KSR1: variants seen among roughly 807,000 people sequenced by gnomAD.
KSR1 encodes kinase suppressor of ras 1.
A neutral mutation model predicts 92.9 loss-of-function variants in KSR1; 35 were observed. That is an observed-to-expected ratio of 0.38 (90% confidence interval 0.29 to 0.50). The LOEUF (loss-of-function observed/expected upper bound fraction) is 0.50, where lower values mean the gene tolerates loss of function less well. Among genes scored for constraint, KSR1 ranks in the 20% least tolerant of loss-of-function variants. KSR1 has a pLI of 0.94. For synonymous variants in KSR1, 467 were observed against 472.6 expected (o/e 0.99, Z 0.15); for missense variants, 972 against 1,158.5 (o/e 0.84, Z 2.34).
intron 1 of KSR1, among the ~76,000 whole-genome samples, chr17:27,548,889 G>A (rs2071287834): frequency 6.6e-6 from 1 of 151,524 alleles, no homozygotes; most frequent in Admixed American, 6.6e-5. Flanking sequence ...AAATGCTTGA[G>A]GTCCAAAGTG....
intron 12 of KSR1, among the ~76,000 whole-genome samples, chr17:27,604,463 C>A (rs1412574599): frequency 6.6e-6 from 1 of 152,188 alleles, no homozygotes; most frequent in Non-Finnish European, 1.5e-5. Context: ...CAGCCCCCAC[C>A]ACCCTCAAGT....
intron 11 of KSR1, among the ~76,000 whole-genome samples, chr17:27,601,656 G>A (rs750363014): frequency 2.6e-5 from 4 of 152,236 alleles, no homozygotes; most frequent in Non-Finnish European, 4.4e-5. Context: ...CACAGAGACT[G>A]CAGGCAACCT....
At chr17:27,505,170 A>G (rs2069332565) in intron 1 of KSR1, among the ~76,000 whole-genome samples, 1 of 152,178 alleles carries the variant, frequency 6.6e-6, no homozygotes, top group South Asian at 2.1e-4. Context: ...ACACTTCAGG[A>G]GGATAGTCCG....
At chr17:27,594,299 C>T (rs944634899) in intron 9 of KSR1, among the ~76,000 whole-genome samples, 1 of 152,122 alleles carries the variant, frequency 6.6e-6, no homozygotes, top group African/African-American at 2.4e-5. Context: ...CCCAGCCCGT[C>T]ACAGATAGGA....
At chr17:27,588,381 C>A in intron 5 of KSR1, 94 bp from the exon 6 acceptor site, 1 of 1,091,300 alleles carries the variant, frequency 9.2e-7, no homozygotes, top group Non-Finnish European at 1.3e-6. Context: ...ATTGCGCCCC[C>A]CTCTAGCCTG....
At chr17:27,460,692 G>A (rs1290593737) in intron 1 of KSR1, among the ~76,000 whole-genome samples, 1 of 152,172 alleles carries the variant, frequency 6.6e-6, no homozygotes, top group Non-Finnish European at 1.5e-5. Flanking sequence ...CAGCTCTGCC[G>A]TGGCAGAGGT....
intron 2 of KSR1, among the ~76,000 whole-genome samples, chr17:27,567,060 A>C (rs1258071250): frequency 1.3e-5 from 2 of 152,136 alleles, no homozygotes; most frequent in African/African-American, 4.8e-5. Context: ...TGTGTAACTT[A>C]ATCTCTATGA....
chr17:27,609,137 C>G, intron 15 of KSR1, 59 bp from the exon 16 acceptor site: 1 of 1,561,688 alleles, frequency 6.4e-7, no homozygotes, highest in Non-Finnish European at 8.7e-7. Flanking sequence ...AATCATCCAG[C>G]CCAGGGTGGC....
chr17:27,480,817 C>T (rs2068488584), intron 1 of KSR1, among the ~76,000 whole-genome samples: 1 of 152,194 alleles, frequency 6.6e-6, no homozygotes, highest in African/African-American at 2.4e-5. Flanking sequence ...ACTCAGAGCC[C>T]AGTAGGACCC....
chr17:27,585,769 C>T (rs558503856), intron 5 of KSR1, 108 bp downstream of exon 5: 11 of 717,654 alleles, frequency 1.5e-5, no homozygotes, highest in Admixed American at 1.0e-4. Flanking sequence ...CGTTCAGCCT[C>T]TCCATAGTCC....
intron 1 of KSR1, among the ~76,000 whole-genome samples, chr17:27,533,559 T>C (rs1056769071): frequency 3.3e-5 from 5 of 152,086 alleles, no homozygotes; most frequent in African/African-American, 9.7e-5. Flanking sequence ...AATTGTTGTA[T>C]TTTTAGTAGA....
At position 27,597,297 on chromosome 17, in the gene KSR1, C is replaced by G; in HGVS notation, c.1329C>G (p.Asp443Glu). Residue 443 changes from aspartate to glutamate, a missense_variant, in exon 10 of 21, where the codon GAC becomes GAG. Asp to Glu is a conservative substitution (Grantham distance 45, BLOSUM62 2). Around this residue, in one of 5 missense-constraint regions of KSR1, gnomAD observed 611 missense variants for 668.0 expected, o/e 0.91. Coordinates refer to ENST00000644974, the MANE Select transcript of KSR1 (RefSeq NM_001394583.1). ...KEHPPAMNHL[D>E]SSSNPSSTTS... ...ACCCTCCGGCCATGAATCACCTGGA[C>G]TCCAGCAGCAACCCTTCCTCCACCA... 6.2e-7 allele frequency: 1 copy of G among 1,602,746 alleles called. No individual in the cohort carries two copies. The highest frequency in any genetic ancestry group is 8.5e-7 in the Non-Finnish European group (1 of 1,174,816).
At chr17:27,584,798 A>C (rs563972433) in intron 4 of KSR1, among the ~76,000 whole-genome samples, 2 of 152,036 alleles carry the variant, frequency 1.3e-5, no homozygotes, top group African/African-American at 4.8e-5. Context: ...CTCCAGCTCC[A>C]TGTGTTCTCA....
chr17:27,528,919 C>T (rs556382985), intron 1 of KSR1, among the ~76,000 whole-genome samples: 1 of 151,822 alleles, frequency 6.6e-6, no homozygotes, highest in African/African-American at 2.4e-5. Context: ...GAAAAAAAAA[C>T]CACAAAAATC....
intron 1 of KSR1, among the ~76,000 whole-genome samples, chr17:27,493,642 C>G (rs893000146): frequency 6.6e-6 from 1 of 152,144 alleles, no homozygotes; most frequent in African/African-American, 2.4e-5. Context: ...ACCCTTCCAA[C>G]TCAGATTTAA....
At chr17:27,487,138 A>G (rs1327409607) in intron 1 of KSR1, among the ~76,000 whole-genome samples, 1 of 152,174 alleles carries the variant, frequency 6.6e-6, no homozygotes, top group Admixed American at 6.5e-5. Flanking sequence ...TAGTTTATTT[A>G]AGAAAGAGGT....
intron 2 of KSR1, chr17:27,560,181 C>T (rs2071767269): frequency 3.2e-6 from 1 of 315,180 alleles, no homozygotes; most frequent in Non-Finnish European, 6.2e-6. Flanking sequence ...TCAAGCGGCC[C>T]CCTGTCCCAC....
intron 1 of KSR1, among the ~76,000 whole-genome samples, chr17:27,490,119 T>C (rs1367267644): frequency 1.3e-5 from 2 of 152,242 alleles, no homozygotes; most frequent in Admixed American, 6.5e-5. Context: ...CTACCTGTTA[T>C]CAGCATCCTG....
At chr17:27,549,324 G>T (rs1476477902) in intron 1 of KSR1, among the ~76,000 whole-genome samples, 1 of 152,206 alleles carries the variant, frequency 6.6e-6, no homozygotes, top group Admixed American at 6.5e-5. Flanking sequence ...GGGTCACTTG[G>T]CCGTAGCCAA....
Sources: gnomAD v4.1 joint callset for allele counts (sites outside exome capture counted in the v4.1 genomes callset) on GRCh38, gnomAD v4.1.1 for gene constraint, gnomAD v4.1.1 regional missense constraint, MANE v1.5 for transcripts, NCBI Gene and HGNC (gene_info 2026-07-23, HGNC 2026-07-21) for gene names.